MYO5A: variants seen among roughly 807,000 people sequenced by gnomAD.
The protein encoded by MYO5A is unconventional myosin-Va.
In MYO5A, 98 loss-of-function variants were observed where a neutral mutation model predicts 249.7. The ratio of observed to expected loss-of-function variants is 0.39; its 90% CI spans 0.33 to 0.46. The LOEUF (loss-of-function observed/expected upper bound fraction) is 0.46, where lower values mean the gene tolerates loss of function less well. Among genes scored for constraint, MYO5A ranks in the 20% least tolerant of loss-of-function variants. The pLI is 0.98. For missense variants in MYO5A, 1,696 were observed against 2,308.8 expected, an observed-to-expected ratio of 0.73 and a Z score of 5.44; for synonymous variants, 778 against 810.6, an observed-to-expected ratio of 0.96 and a Z score of 0.68.
intron 1 of MYO5A, among the ~76,000 whole-genome samples, chr15:52,465,747 C>T (rs545232551): frequency 1.3e-5 from 2 of 152,006 alleles, no homozygotes; most frequent in Admixed American, 6.5e-5. Flanking sequence ...TTTTTTTCGC[C>T]CAAGATGGCT....
At chr15:52,477,823 C>A (rs1419085689) in intron 1 of MYO5A, among the ~76,000 whole-genome samples, 2 of 152,224 alleles carry the variant, frequency 1.3e-5, no homozygotes, top group Non-Finnish European at 2.9e-5. Context: ...TCAGCCCCAA[C>A]TGTGAGGTGC....
chr15:52,432,586 A>T (rs2075565127), intron 2 of MYO5A, among the ~76,000 whole-genome samples: 1 of 152,248 alleles, frequency 6.6e-6, no homozygotes, highest in African/African-American at 2.4e-5. Flanking sequence ...TTATTTGGAA[A>T]ATAGTGATTA....
At chr15:52,525,506 T>A (rs972526432) in intron 1 of MYO5A, among the ~76,000 whole-genome samples, 1 of 152,242 alleles carries the variant, frequency 6.6e-6, no homozygotes, top group African/African-American at 2.4e-5. Context: ...TGTCCTTCAC[T>A]GTAATAGGAA....
At chr15:52,392,306 T>C (rs934480577) in intron 11 of MYO5A, among the ~76,000 whole-genome samples, 1 of 152,244 alleles carries the variant, frequency 6.6e-6, no homozygotes, top group African/African-American at 2.4e-5. Flanking sequence ...AGCTGATCAA[T>C]GTAGCAATCT....
Position 52,311,512 on chromosome 15 carries a change from C to CA in MYO5A, c.*2183dup, listed in dbSNP as rs1314452406. The CA allele has an allele frequency of 1.3e-5, 2 of 152,140 alleles. No individual in the cohort carries two copies. The highest frequency in any genetic ancestry group is 4.8e-5 in the African/African-American group (2 of 41,410). The allele number at this position is 152,140 out of a possible 1,614,324, so 9.4% of individuals were successfully genotyped here. A position where few individuals can be genotyped will look rare whatever the true frequency, so the allele number is the denominator to read the frequency against. On this transcript the variant is annotated 3_prime_UTR_variant, in exon 42 of 42. Transcript: ENST00000399233. ...CTGCAAATAAATAAATAAATGTATT[C>CA]AAACTGAATAAAGCAATACATGATG...
intron 36 of MYO5A, chr15:52,323,905 G>T (rs953769526): frequency 1.1e-4 from 23 of 203,570 alleles, no homozygotes; most frequent in African/African-American, 5.2e-4. Context: ...TTGGGATGCT[G>T]AGGTAGGAGA....
chr15:52,528,678 G>C, intron 1 of MYO5A, 102 bp downstream of exon 1: 1 of 1,335,106 alleles, frequency 7.5e-7, no homozygotes, highest in Non-Finnish European at 9.9e-7. Context: ...GGCGCTGGTG[G>C]GGCTCGCCTG....
Position 52,528,832 on chromosome 15 carries a change from C to G in MYO5A, c.-26G>C. 2 of 1,474,004 alleles carry G rather than the reference C, an allele frequency of 1.4e-6. No homozygotes were observed. Among genetic ancestry groups the G allele is most frequent in the South Asian group, 1.3e-5 (1 of 77,728 alleles). The allele number at this position is 1,474,004 out of a possible 1,614,324, so 91.3% of individuals were successfully genotyped here. ...GGCGGGCCCCGCGCGCCTACGCCCC[C>G]CGCCTGTGCGGAGGCCGCACCTCGC... is the stretch of plus-strand genomic sequence containing the variant. On this transcript the variant is annotated 5_prime_UTR_variant, in exon 1 of 42. Transcript: ENST00000399233.
At chr15:52,322,070 T>C (rs1288089607) in intron 37 of MYO5A, among the ~76,000 whole-genome samples, 1 of 152,240 alleles carries the variant, frequency 6.6e-6, no homozygotes, top group African/African-American at 2.4e-5. Context: ...TCTGTTAAAA[T>C]GGAACTGAAT....
chr15:52,432,748 T>G (rs1169345786), intron 2 of MYO5A, among the ~76,000 whole-genome samples: 1 of 152,202 alleles, frequency 6.6e-6, no homozygotes, highest in Non-Finnish European at 1.5e-5. Flanking sequence ...CTAATTGGCC[T>G]AATTCTTCCC....
At chr15:52,422,807 C>G (rs996234136) in intron 4 of MYO5A, among the ~76,000 whole-genome samples, 6 of 152,182 alleles carry the variant, frequency 3.9e-5, no homozygotes, top group Admixed American at 2.0e-4. Context: ...GCCTTCAACT[C>G]CTGGGCTCAA....
intron 34 of MYO5A, among the ~76,000 whole-genome samples, chr15:52,333,007 C>A (rs1250082440): frequency 2.0e-5 from 3 of 152,138 alleles, no homozygotes; most frequent in Admixed American, 6.6e-5. Context: ...AAGCCTTTTG[C>A]CCTTCCACCT....
chr15:52,491,676 C>G (rs1260184169), intron 1 of MYO5A, among the ~76,000 whole-genome samples: 11 of 152,128 alleles, frequency 7.2e-5, no homozygotes, highest in Non-Finnish European at 1.5e-5. Context: ...CCCTTTTATC[C>G]AAGTACATCA....
At chr15:52,486,338 G>A (rs2076819907) in intron 1 of MYO5A, among the ~76,000 whole-genome samples, 1 of 152,210 alleles carries the variant, frequency 6.6e-6, no homozygotes, top group Non-Finnish European at 1.5e-5. Context: ...CTCAGGTTGA[G>A]TGAGTCAAAG....
intron 1 of MYO5A, among the ~76,000 whole-genome samples, chr15:52,512,366 C>T (rs1041716269): frequency 6.6e-6 from 1 of 151,938 alleles, no homozygotes; most frequent in Non-Finnish European, 1.5e-5. Flanking sequence ...TCGCAGGGGT[C>T]TCGTTCAGTA....
chr15:52,317,152 G>A lies in MYO5A; in HGVS notation c.5305C>T (p.Leu1769=), dbSNP rs766653769. ...NLMNSGAKET[L]EPLIQAAQLL... ...TGAGCAGCCTGAATGAGAGGTTCCAGGGTTTCTTTAGCCCCACTATTCATC... is the reference window on the plus strand; with the variant it reads ...TGAGCAGCCTGAATGAGAGGTTCCAAGGTTTCTTTAGCCCCACTATTCATC... The change falls in exon 40 of 42, where the codon CTG becomes TTG. Residue 1769 remains leucine, a synonymous_variant. Coordinates refer to ENST00000399233, the MANE Select transcript of MYO5A (RefSeq NM_001382347.1). The A allele has an allele frequency of 3.1e-5, 50 of 1,613,976 alleles. No individual in the cohort carries two copies. Among genetic ancestry groups the A allele is most frequent in the Non-Finnish European group, 4.1e-5 (48 of 1,179,992 alleles).
chr15:52,424,574 T>C (rs922524465), intron 4 of MYO5A, among the ~76,000 whole-genome samples: 11 of 152,216 alleles, frequency 7.2e-5, no homozygotes, highest in African/African-American at 2.4e-4. Flanking sequence ...TAATGATTTC[T>C]AGGGTTTTGT....
At chr15:52,393,682 C>T (rs1180609204) in intron 11 of MYO5A, among the ~76,000 whole-genome samples, 1 of 152,168 alleles carries the variant, frequency 6.6e-6, no homozygotes, top group South Asian at 2.1e-4. Flanking sequence ...CGTGAGCCAC[C>T]GCGCCTGGCC....
At chr15:52,471,199 C>T (rs915123715) in intron 1 of MYO5A, among the ~76,000 whole-genome samples, 1 of 152,116 alleles carries the variant, frequency 6.6e-6, no homozygotes, top group African/African-American at 2.4e-5. Flanking sequence ...CAAAATAGTA[C>T]AGTTATCTTG....
Sources: allele counts gnomAD v4.1 joint callset (sites outside exome capture counted in the v4.1 genomes callset), GRCh38; gene constraint gnomAD v4.1.1; transcripts MANE v1.5; gene names NCBI Gene and HGNC (gene_info 2026-07-23, HGNC 2026-07-21).